Variants in SNTB2 observed in about 807,000 individuals in gnomAD.
SNTB2 encodes beta-2-syntrophin.
Under a neutral mutation model 46.2 loss-of-function variants are expected in SNTB2, and 34 were observed. The ratio of observed to expected loss-of-function variants is 0.74; its 90% confidence interval spans 0.56 to 0.98. SNTB2 has a LOEUF of 0.98. Among genes scored for constraint, SNTB2 ranks in the 50% least tolerant of loss-of-function variants. The pLI, the probability that SNTB2 is intolerant of heterozygous loss-of-function variation, is 0.00. For missense variants in SNTB2, 603 were observed against 731.4 expected (o/e 0.82, Z 2.02); for synonymous variants, 290 against 312.6 (o/e 0.93, Z 0.76).
chr16:69,232,163 G>A (rs377289706), intron 1 of SNTB2, among the ~76,000 whole-genome samples: 27 of 151,158 alleles, frequency 1.8e-4, no homozygotes, highest in African/African-American at 6.1e-4. Context: ...TTTTTTTGCC[G>A]GTTTGTATAA....
chr16:69,246,797 T>C (rs1173070560), intron 2 of SNTB2, among the ~76,000 whole-genome samples: 2 of 148,880 alleles, frequency 1.3e-5, no homozygotes, highest in Non-Finnish European at 3.0e-5. Flanking sequence ...TGGGAGAGTG[T>C]ATGTGTCGAG....
At chr16:69,217,499 A>G (rs1319916843) in intron 1 of SNTB2, among the ~76,000 whole-genome samples, 3 of 152,188 alleles carry the variant, frequency 2.0e-5, no homozygotes, top group Non-Finnish European at 4.4e-5. Flanking sequence ...AAATTTTAAA[A>G]TGCTCACTTA....
intron 4 of SNTB2, among the ~76,000 whole-genome samples, chr16:69,278,889 A>AGAGTGTGT (rs1003316492): frequency 7.1e-6 from 1 of 140,912 alleles, no homozygotes; most frequent in Non-Finnish European, 1.5e-5. Flanking sequence ...AGGTGGGAAG[A>AGAGTGTGT]GTGTGTGTGT....
chr16:69,281,487 TTTTTTTTTTTTG>T (rs1965043782), intron 4 of SNTB2, among the ~76,000 whole-genome samples: 1 of 126,514 alleles, frequency 7.9e-6, no homozygotes, highest in East Asian at 2.0e-4. Context: ...AAGGTCTGGT[TTTTTTTTTTTTG>T]TTTTTTTTTT....
chr16:69,260,170 G>C lies in SNTB2; in HGVS notation c.915G>C (p.Gln305His). 1 of 1,614,116 alleles carries C rather than the reference G, an allele frequency of 6.2e-7. No homozygotes were observed. The change falls in exon 3 of 7, where the codon CAG (glutamine) becomes CAC (histidine). Residue 305 changes from glutamine (Q) to histidine (H), a missense_variant. Physicochemically the swap from Gln to His is conservative, Grantham distance 24. Around this residue, in one of 2 missense-constraint regions of SNTB2, gnomAD observed 537 missense variants for 692.4 expected, o/e 0.78. Coordinates refer to ENST00000336278, the MANE Select transcript of SNTB2 (RefSeq NM_006750.4). ...CCAACATAATGGCTCTCCTCCCACA[G>C]GTGTTGGCTGAACTCAACGCCATGC... ...IHTNIMALLP[Q>H]VLAELNAMLG...
At chr16:69,259,602 CTTT>C (rs746479723) in intron 2 of SNTB2, among the ~76,000 whole-genome samples, 5 of 120,608 alleles carry the variant, frequency 4.1e-5, no homozygotes, top group East Asian at 5.0e-4. Flanking sequence ...GAGAAAGTAT[CTTT>C]TTTTTTTTTT....
intron 1 of SNTB2, among the ~76,000 whole-genome samples, chr16:69,203,431 T>A (rs2152290391): frequency 6.6e-6 from 1 of 152,282 alleles, no homozygotes; most frequent in Non-Finnish European, 1.5e-5. Context: ...TTTGACCTCC[T>A]GACCTTAAGC....
At chr16:69,192,728 C>A (rs776590202) in intron 1 of SNTB2, among the ~76,000 whole-genome samples, 2 of 151,890 alleles carry the variant, frequency 1.3e-5, no homozygotes, top group Non-Finnish European at 2.9e-5. Flanking sequence ...TGCACTGATT[C>A]CTTAATAAAA....
rs192085978 is a variant in SNTB2, at chr16:69,270,367, C to A, written c.1148+82C>A. On this transcript the variant is annotated intron_variant, in intron 4 of 6. Coordinates refer to ENST00000336278, the MANE Select transcript of SNTB2 (RefSeq NM_006750.4). ...AGAATTTTAAAGTGAATTCTGTTAT[C>A]TTAGGTGCCTAAAAGAGCATTTAAG... 3.2e-6 allele frequency: 5 copies of A among 1,539,646 alleles called. No individual in the cohort carries two copies. The Admixed American group carries it at 7.1e-5, about 22-fold the overall frequency.
At chr16:69,278,262 G>A (rs550651373) in intron 4 of SNTB2, among the ~76,000 whole-genome samples, 2 of 152,048 alleles carry the variant, frequency 1.3e-5, no homozygotes, top group East Asian at 3.8e-4. Flanking sequence ...GTTGCAGTGA[G>A]CCAACACTGT....
intron 2 of SNTB2, among the ~76,000 whole-genome samples, chr16:69,248,082 C>T (rs1300500765): frequency 5.3e-5 from 8 of 152,152 alleles, no homozygotes; most frequent in Admixed American, 3.9e-4. Context: ...AGGATTGTGC[C>T]ACTGCACTGT....
chr16:69,266,582 A>G (rs1964887278), intron 3 of SNTB2, among the ~76,000 whole-genome samples: 1 of 152,230 alleles, frequency 6.6e-6, no homozygotes, highest in African/African-American at 2.4e-5. Context: ...TCCTATTGGC[A>G]TTAGCATTTT....
Position 69,187,169 on chromosome 16 carries a change from GA to G in SNTB2, c.4del (p.Arg2GlyfsTer2). The G allele has an allele frequency of 7.4e-7, 1 of 1,356,496 alleles. No homozygotes were observed. The highest frequency in any genetic ancestry group is 2.9e-5 in the East Asian group (1 of 34,312). The allele number at this position is 1,356,496 out of a possible 1,614,324, so 84.0% of individuals were successfully genotyped here. A position where few individuals can be genotyped will look rare whatever the true frequency, so the allele number is the denominator to read the frequency against. On this transcript the variant is annotated frameshift_variant, in exon 1 of 7. Transcript: ENST00000336278. LOFTEE classifies it high-confidence loss of function. M[R>X]VAAATAAAGA... is the part of the protein sequence containing the mutation. ...AGCGCCGAGGCTGCCTGACTGGAATGAGGGTAGCTGCGGCGACTGCGGCGGC... is the reference window on the plus strand; with the variant it reads ...AGCGCCGAGGCTGCCTGACTGGAATGGGGTAGCTGCGGCGACTGCGGCGGC...
chr16:69,285,356 C>CTT (rs199516210), intron 5 of SNTB2, among the ~76,000 whole-genome samples: 3 of 131,834 alleles, frequency 2.3e-5, no homozygotes, highest in South Asian at 2.5e-4. Context: ...GTTCATCTCT[C>CTT]TTTTTTTTTT....
At chr16:69,201,766 G>A (rs925142911) in intron 1 of SNTB2, among the ~76,000 whole-genome samples, 8 of 152,134 alleles carry the variant, frequency 5.3e-5, no homozygotes, top group African/African-American at 1.7e-4. Flanking sequence ...TTTAGATTTC[G>A]TATTTGGAGG....
intron 2 of SNTB2, among the ~76,000 whole-genome samples, chr16:69,251,481 A>C (rs1176993709): frequency 2.0e-5 from 3 of 149,022 alleles, no homozygotes; most frequent in Admixed American, 6.7e-5. Context: ...AAAAAAAAAA[A>C]AAAAAAAAAA....
chr16:69,277,479 A>C (rs527836892), intron 4 of SNTB2, among the ~76,000 whole-genome samples: 180 of 152,356 alleles, frequency 1.2e-3, no homozygotes, highest in Middle Eastern at 3.4e-3. Context: ...TTCAAGGGAA[A>C]CCAGTTGATT....
At chr16:69,289,672 G>C (rs1332737172) in intron 5 of SNTB2, among the ~76,000 whole-genome samples, 1 of 151,810 alleles carries the variant, frequency 6.6e-6, no homozygotes, top group East Asian at 1.9e-4. Flanking sequence ...ACTGTGGTTC[G>C]CACCTATAAT....
intron 1 of SNTB2, among the ~76,000 whole-genome samples, chr16:69,189,954 C>T (rs1964034731): frequency 2.0e-5 from 3 of 152,282 alleles, no homozygotes; most frequent in Non-Finnish European, 2.9e-5. Context: ...TATTTTCCCA[C>T]TTTGTACAAG....
Sources: allele counts gnomAD v4.1 joint callset (sites outside exome capture counted in the v4.1 genomes callset), GRCh38; gene constraint gnomAD v4.1.1; regional missense constraint gnomAD v4.1.1; transcripts MANE v1.5; gene names NCBI Gene and HGNC (gene_info 2026-07-23, HGNC 2026-07-21).